DLST: variants seen among roughly 807,000 people sequenced by gnomAD.
The protein encoded by DLST is dihydrolipoyllysine-residue succinyltransferase component of 2-oxoglutarate dehydrogenase complex, mitochondrial.
Under a neutral mutation model 53.1 loss-of-function variants are expected in DLST, and 17 were observed. The observed-to-expected ratio is 0.32, with a 90% CI of 0.22 to 0.48. The LOEUF (loss-of-function observed/expected upper bound fraction) is 0.48. DLST is among the 20% of genes least tolerant of loss of function. The probability of loss-of-function intolerance (pLI) is 0.99; values close to 1 mark genes in which losing one functional copy is unlikely to be tolerated. For missense variants in DLST, 512 were observed against 583.9 expected, an observed-to-expected ratio of 0.88 and a Z score of 1.27; for synonymous variants, 206 against 204.8, an observed-to-expected ratio of 1.01 and a Z score of -0.05.
intron 10 of DLST, 123 bp downstream of exon 10, chr14:74,894,532 G>GT: frequency 9.1e-7 from 1 of 1,095,230 alleles, no homozygotes; most frequent in Non-Finnish European, 1.3e-6. Flanking sequence ...TTTGTTTATT[G>GT]TTTTTTGTTT....
At chr14:74,886,008 A>T (rs1057172713) in intron 3 of DLST, 4 of 181,194 alleles carry the variant, frequency 2.2e-5, no homozygotes, top group Non-Finnish European at 3.5e-5. Flanking sequence ...TCTCAGTAGC[A>T]TAGTTACTCA....
intron 11 of DLST, among the ~76,000 whole-genome samples, chr14:74,898,787 A>C (rs766300169): frequency 6.6e-6 from 1 of 152,102 alleles, no homozygotes; most frequent in South Asian, 2.1e-4. Flanking sequence ...GTCTCCTGTC[A>C]AGGTGGAAGC....
chr14:74,889,367 ATTTT>A lies in DLST; in HGVS notation c.274+35_274+38del, dbSNP rs560243017. The A allele has an allele frequency of 7.9e-4, 950 of 1,206,056 alleles. No individual in the cohort carries two copies. The highest frequency in any genetic ancestry group is 8.6e-4 in the Non-Finnish European group (772 of 901,066). The allele number at this position is 1,206,056 out of a possible 1,614,324, so 74.7% of individuals were successfully genotyped here. A position where few individuals can be genotyped will look rare whatever the true frequency, so the allele number is the denominator to read the frequency against. On this transcript the variant is annotated intron_variant, in intron 5 of 14. Transcript: ENST00000334220. ...GGAGAAAGGTAAGATTTAGTTTCCT[ATTTT>A]TTTTTTTTTTTTTTTTGAGACAGAG...
intron 7 of DLST, 63 bp from the exon 8 acceptor site, chr14:74,892,771 A>AATTTT: frequency 6.6e-7 from 1 of 1,522,776 alleles, no homozygotes; most frequent in Non-Finnish European, 8.8e-7. Context: ...TTGCCACTAA[A>AATTTT]TTTTGCTTGG....
At chr14:74,890,109 A>C (rs1255440517) in intron 6 of DLST, among the ~76,000 whole-genome samples, 157 bp downstream of exon 6, 1 of 150,240 alleles carries the variant, frequency 6.7e-6, no homozygotes, top group Non-Finnish European at 1.5e-5. Flanking sequence ...AAAAAAAACA[A>C]CTTTTTACAT....
At chr14:74,893,126 A>C (rs1883966528) in intron 8 of DLST, 140 bp downstream of exon 8, 11 of 1,186,360 alleles carry the variant, frequency 9.3e-6, no homozygotes, top group Non-Finnish European at 1.1e-5. Flanking sequence ...CTTTGTATCC[A>C]AAGGCCTGCT....
intron 13 of DLST, 105 bp from the exon 14 acceptor site, chr14:74,900,961 A>C: frequency 1.5e-6 from 2 of 1,307,904 alleles, no homozygotes; most frequent in South Asian, 2.8e-5. Context: ...CCTGGCCTCA[A>C]GCAGTCCTCC....
intron 10 of DLST, 112 bp downstream of exon 10, chr14:74,894,521 A>G: frequency 1.8e-6 from 2 of 1,125,672 alleles, no homozygotes; most frequent in Non-Finnish European, 1.3e-6. Context: ...GGGAAGAGGT[A>G]TTTGTTTATT....
rs770560407 is a variant in DLST, at chr14:74,903,425, G to A, written c.*1095G>A. On this transcript the variant is annotated 3_prime_UTR_variant, in exon 15 of 15. Coordinates refer to ENST00000334220, the MANE Select transcript of DLST (RefSeq NM_001933.5). ...GTTAGTACCTAGTGGTGAAACGGATGAGGTCATTTCTAAGGTGTGTTGCCC... is the reference window on the plus strand; with the variant it reads ...GTTAGTACCTAGTGGTGAAACGGATAAGGTCATTTCTAAGGTGTGTTGCCC... The A allele has an allele frequency of 3.9e-5, 6 of 152,224 alleles. No homozygotes were observed. Among genetic ancestry groups the A allele is most frequent in the Non-Finnish European group, 8.8e-5 (6 of 68,056 alleles). 9.4% of individuals were successfully genotyped at this position (152,224 alleles called of 1,614,324 possible).
In DLST at chr14:74,899,982, G is replaced by A; in HGVS notation, c.961G>A (p.Val321Met). 6.2e-7 allele frequency: 1 copy of A among 1,613,880 alleles called. No homozygotes were observed. The highest frequency in any genetic ancestry group is 8.5e-7 in the Non-Finnish European group (1 of 1,179,868). ...GGATTATATTGACATCAGTGTTGCA[G>A]TGGCCACCCCACGGGTATGTTGGGG... is the stretch of plus-strand genomic sequence containing the variant. Reference protein sequence around the residue: ...YRDYIDISVAVATPRGLVVPV... With the variant: ...YRDYIDISVAMATPRGLVVPV... The change falls in exon 12 of 15, where the codon GTG becomes ATG. Residue 321 changes from valine (V) to methionine (M), a missense_variant. Physicochemically the swap from Val to Met is conservative, Grantham distance 21. Transcript: ENST00000334220.
At chr14:74,898,018 A>G (rs952156138) in intron 10 of DLST, among the ~76,000 whole-genome samples, 1 of 151,658 alleles carries the variant, frequency 6.6e-6, no homozygotes, top group East Asian at 1.9e-4. Context: ...ACTTTAAAAA[A>G]TTTTTTTTCA....
intron 12 of DLST, 46 bp downstream of exon 12, chr14:74,900,042 CT>C: frequency 6.8e-7 from 1 of 1,465,044 alleles, no homozygotes; most frequent in Non-Finnish European, 9.5e-7. Flanking sequence ...AGACCCTCAC[CT>C]TATCTGTGTG....
chr14:74,889,285 G>A lies in DLST; in HGVS notation c.210G>A (p.Leu70=). Residue 70 remains leucine, a synonymous_variant, in exon 5 of 15, where the codon TTG becomes TTA. Transcript: ENST00000334220. ...FRTTAVCKDD[L]VTVKTPAFAE... is the part of the protein sequence containing the mutation. ...TTGCATTTTTCCTAGAGGATGACTTGGTTACAGTCAAAACCCCAGCGTTTG... is the reference window on the plus strand; with the variant it reads ...TTGCATTTTTCCTAGAGGATGACTTAGTTACAGTCAAAACCCCAGCGTTTG... The A allele has an allele frequency of 3.1e-6, 5 of 1,612,346 alleles. No homozygotes were observed. The highest frequency in any genetic ancestry group is 1.1e-5 in the South Asian group (1 of 90,654).
intron 1 of DLST, among the ~76,000 whole-genome samples, chr14:74,882,274 G>C (rs1039775976): frequency 6.6e-6 from 1 of 152,220 alleles, no homozygotes; most frequent in Non-Finnish European, 1.5e-5. Context: ...GCGGGAGCTG[G>C]GGAGCCGCGC....
intron 10 of DLST, among the ~76,000 whole-genome samples, chr14:74,895,929 T>G (rs560723340): frequency 6.6e-6 from 1 of 152,288 alleles, no homozygotes; most frequent in East Asian, 1.9e-4. Flanking sequence ...CATGGACCTA[T>G]AGTCTCAGCT....
chr14:74,900,369 G>A lies in DLST; in HGVS notation c.1056G>A (p.Glu352=), dbSNP rs1254370852. ...AACGGACCATCACTGAACTGGGAGAGAAGGTAAAGTAGAAAGATGTATACA... is the reference window on the plus strand; with the variant it reads ...AACGGACCATCACTGAACTGGGAGAAAAGGTAAAGTAGAAAGATGTATACA... ...DIERTITELG[E]KARKNELAIE... Residue 352 remains glutamate (E), a synonymous_variant, in exon 13 of 15, where the codon GAG becomes GAA. Transcript: ENST00000334220. 2 of 1,613,620 alleles carry A rather than the reference G, an allele frequency of 1.2e-6. No individual in the cohort carries two copies. Among genetic ancestry groups the A allele is most frequent in the Admixed American group, 3.3e-5 (2 of 60,024 alleles).
chr14:74,895,536 G>A (rs1054141803), intron 10 of DLST, among the ~76,000 whole-genome samples: 9 of 152,070 alleles, frequency 5.9e-5, no homozygotes, highest in African/African-American at 2.2e-4. Context: ...AAGGAGGATC[G>A]CTTGAGCTTA....
chr14:74,902,446 C>T lies in DLST; in HGVS notation c.*116C>T, dbSNP rs1884290852. On this transcript the variant is annotated 3_prime_UTR_variant, in exon 15 of 15. Transcript: ENST00000334220. ...ACAGGCAGACACATGCTGTTGGCCT[C>T]AAGCAAGGAAGCAGAGCACTGTGTA... The T allele has an allele frequency of 2.2e-6, 3 of 1,339,700 alleles. No individual in the cohort carries two copies. Among genetic ancestry groups the T allele is most frequent in the Non-Finnish European group, 3.0e-6 (3 of 994,736 alleles). 83.0% of individuals were successfully genotyped at this position (1,339,700 alleles called of 1,614,324 possible). A position where few individuals can be genotyped will look rare whatever the true frequency, so the allele number is the denominator to read the frequency against.
chr14:74,891,349 G>T, intron 7 of DLST, 182 bp downstream of exon 7: 1 of 1,373,148 alleles, frequency 7.3e-7, no homozygotes, highest in South Asian at 1.7e-5. Context: ...TAAAAGAAAA[G>T]TGTATTTTTT....
Sources: allele counts gnomAD v4.1 joint callset (sites outside exome capture counted in the v4.1 genomes callset), GRCh38; gene constraint gnomAD v4.1.1; transcripts MANE v1.5; gene names NCBI Gene and HGNC (gene_info 2026-07-23, HGNC 2026-07-21).